NCKAP5: variants seen among roughly 807,000 people sequenced by gnomAD.
The protein encoded by NCKAP5 is NCK associated protein 5, also known as nck-associated protein 5.
NCKAP5 carries 92 observed loss-of-function variants against 167.0 expected under a neutral mutation model. The ratio of observed to expected loss-of-function variants is 0.55; its 90% CI spans 0.47 to 0.66. The LOEUF is 0.66. Among genes scored for constraint, NCKAP5 ranks in the 30% least tolerant of loss-of-function variants. The pLI, the probability that NCKAP5 is intolerant of heterozygous loss-of-function variation, is 0.00. For synonymous variants in NCKAP5, 891 were observed against 877.4 expected (o/e 1.02, Z -0.27); for missense variants, 2,378 against 2,315.0 (o/e 1.03, Z -0.56).
At chr2:133,096,286 T>C (rs1025385613) in intron 6 of NCKAP5, among the ~76,000 whole-genome samples, 21 of 151,718 alleles carry the variant, frequency 1.4e-4, no homozygotes, top group Non-Finnish European at 2.1e-4. Flanking sequence ...AGACCAGGAG[T>C]TCGAGACCAG....
chr2:133,141,753 C>G (rs115200249), intron 5 of NCKAP5, among the ~76,000 whole-genome samples: 1 of 152,224 alleles, frequency 6.6e-6, no homozygotes, highest in South Asian at 2.1e-4. Flanking sequence ...TTTCTTTAAA[C>G]GAAGACTTGA....
At chr2:133,482,836 A>G (rs543303684) in intron 3 of NCKAP5, among the ~76,000 whole-genome samples, 28 of 151,656 alleles carry the variant, frequency 1.8e-4, no homozygotes, top group Non-Finnish European at 2.9e-4. Context: ...TAACTTCTCT[A>G]TTACTCTAAC....
At chr2:132,845,598 C>T (rs1285696710) in intron 11 of NCKAP5, among the ~76,000 whole-genome samples, 1 of 152,062 alleles carries the variant, frequency 6.6e-6, no homozygotes, top group Admixed American at 6.5e-5. Flanking sequence ...TAAAAATGGG[C>T]CTTTTAGACT....
At chr2:133,297,605 A>T (rs1680061601) in intron 4 of NCKAP5, among the ~76,000 whole-genome samples, 1 of 152,216 alleles carries the variant, frequency 6.6e-6, no homozygotes, top group Non-Finnish European at 1.5e-5. Flanking sequence ...CATGGAGGAA[A>T]GGAAACTTTT....
At chr2:133,622,710 T>C in the NCKAP5 span, among the ~76,000 whole-genome samples, 5 of 152,038 alleles carry the variant, frequency 3.3e-5, no homozygotes, top group South Asian at 2.1e-4. Context: ...GTAGAATCAG[T>C]ATTGTAAAAA....
At chr2:132,787,468 C>A (rs539051166) in intron 13 of NCKAP5, among the ~76,000 whole-genome samples, 2 of 152,096 alleles carry the variant, frequency 1.3e-5, no homozygotes, top group South Asian at 2.1e-4. Flanking sequence ...CTGCCCCACA[C>A]GCTTATGTGC....
At chr2:133,562,373 C>T (rs1688222400) in intron 1 of NCKAP5, among the ~76,000 whole-genome samples, 1 of 152,070 alleles carries the variant, frequency 6.6e-6, no homozygotes, top group South Asian at 2.1e-4. Flanking sequence ...GCATGTATTA[C>T]TTTGACTTTT....
chr2:132,991,926 C>A (rs1302690039), intron 7 of NCKAP5, among the ~76,000 whole-genome samples: 4 of 152,202 alleles, frequency 2.6e-5, no homozygotes, highest in African/African-American at 9.7e-5. Flanking sequence ...CGCTATTAGC[C>A]TTATTTAGAA....
chr2:133,171,985 T>C (rs2084267826), intron 5 of NCKAP5, among the ~76,000 whole-genome samples: 1 of 152,220 alleles, frequency 6.6e-6, no homozygotes, highest in African/African-American at 2.4e-5. Context: ...TCTTGATTTT[T>C]AGTGAGGTCA....
intron 4 of NCKAP5, among the ~76,000 whole-genome samples, chr2:133,246,680 C>T (rs2088012002): frequency 6.6e-6 from 1 of 152,186 alleles, no homozygotes; most frequent in South Asian, 2.1e-4. Context: ...CATTTATATG[C>T]ATACCGCGTT....
chr2:133,617,677 T>A, the NCKAP5 span, among the ~76,000 whole-genome samples: 141 of 151,048 alleles, frequency 9.3e-4, 1 homozygote, highest in African/African-American at 3.3e-3. Context: ...TGGAAGAACA[T>A]CCCATGCTCA....
intron 3 of NCKAP5, among the ~76,000 whole-genome samples, chr2:133,475,682 T>C (rs1425200956): frequency 2.6e-5 from 4 of 152,250 alleles, no homozygotes; most frequent in Non-Finnish European, 4.4e-5. Flanking sequence ...AGTCAAATTT[T>C]AGCCATGCTT....
Position 132,963,732 on chromosome 2 carries a change from C to G in NCKAP5, c.567G>C (p.Leu189Phe), listed in dbSNP as rs2076584072. ...CTTCATTTCTTACCTCTAGAGCTTT[C>G]AATCTCTCTAATAGCAATTTGGTCT... ...KEKTKLLLER[L>F]KALEAENSAL... is the part of the protein sequence containing the mutation. The change falls in exon 8 of 20, where the codon TTG (leucine) becomes TTC (phenylalanine). Residue 189 changes from leucine to phenylalanine, a missense_variant. By Grantham distance (22) the Leu-to-Phe change is conservative. Around this residue, in one of 3 missense-constraint regions of NCKAP5, gnomAD observed 1,049 missense variants for 1,023.4 expected, o/e 1.02. Transcript: ENST00000409261. 3.1e-6 allele frequency: 5 copies of G among 1,613,740 alleles called. No individual in the cohort carries two copies. The highest frequency in any genetic ancestry group is 4.2e-6 in the Non-Finnish European group (5 of 1,179,854).
intron 6 of NCKAP5, among the ~76,000 whole-genome samples, chr2:133,052,115 A>T (rs541317980): frequency 6.6e-6 from 1 of 152,338 alleles, no homozygotes; most frequent in East Asian, 1.9e-4. Context: ...TGGCAGTACA[A>T]GTTAAATTTC....
chr2:133,053,605 A>G (rs956154842), intron 6 of NCKAP5, among the ~76,000 whole-genome samples: 1 of 152,222 alleles, frequency 6.6e-6, no homozygotes, highest in African/African-American at 2.4e-5. Flanking sequence ...TGTGCCATGC[A>G]TGGCCATGCA....
intron 3 of NCKAP5, among the ~76,000 whole-genome samples, chr2:133,310,989 A>T (rs1403203051): frequency 6.6e-6 from 1 of 152,156 alleles, no homozygotes; most frequent in Non-Finnish European, 1.5e-5. Flanking sequence ...ATGAATGGGA[A>T]TTTTTCCCTA....
At chr2:133,594,825 G>A in the NCKAP5 span, among the ~76,000 whole-genome samples, 2 of 152,046 alleles carry the variant, frequency 1.3e-5, no homozygotes, top group African/African-American at 2.4e-5. Context: ...TCACTTCATC[G>A]CTATATGAGG....
At chr2:133,260,426 T>C (rs1472709903) in intron 4 of NCKAP5, among the ~76,000 whole-genome samples, 1 of 152,198 alleles carries the variant, frequency 6.6e-6, no homozygotes, top group East Asian at 1.9e-4. Context: ...TACAGATCAA[T>C]CAATGCCTTC....
intron 6 of NCKAP5, among the ~76,000 whole-genome samples, chr2:133,107,475 A>C (rs570888785): frequency 1.3e-5 from 2 of 152,260 alleles, no homozygotes; most frequent in Non-Finnish European, 2.9e-5. Flanking sequence ...ATGTAAATAC[A>C]TGTGTTAATT....
Sources: allele counts gnomAD v4.1 joint callset (sites outside exome capture counted in the v4.1 genomes callset), GRCh38; gene constraint gnomAD v4.1.1; regional missense constraint gnomAD v4.1.1; transcripts MANE v1.5; gene names NCBI Gene and HGNC (gene_info 2026-07-23, HGNC 2026-07-21).